DNAJB6: variants seen among roughly 807,000 people sequenced by gnomAD.
The protein encoded by DNAJB6 is DnaJ heat shock protein family (Hsp40) member B6.
In DNAJB6, 16 loss-of-function variants were observed where a neutral mutation model predicts 42.7. The observed-to-expected ratio is 0.37, with a 90% CI of 0.25 to 0.57. The LOEUF (loss-of-function observed/expected upper bound fraction) is 0.57, where lower values mean the gene tolerates loss of function less well. Ranked by LOEUF, DNAJB6 falls within the 20% of genes least tolerant of loss-of-function variation. The pLI, the probability that DNAJB6 is intolerant of heterozygous loss-of-function variation, is 0.74. For synonymous variants in DNAJB6, 170 were observed against 163.5 expected (o/e 1.04, Z -0.30); for missense variants, 347 against 416.8 (o/e 0.83, Z 1.46).
chr7:157,354,103 G>T (rs1388753365), intron 1 of DNAJB6, among the ~76,000 whole-genome samples: 12 of 152,148 alleles, frequency 7.9e-5, no homozygotes, highest in East Asian at 3.8e-4. Flanking sequence ...ACCACAGATT[G>T]TATCTGTTGT....
intron 8 of DNAJB6, among the ~76,000 whole-genome samples, chr7:157,394,847 A>G (rs1303763068): frequency 7.2e-5 from 11 of 152,226 alleles, no homozygotes; most frequent in Admixed American, 7.2e-4. Context: ...CTGTAATTCC[A>G]GCACTTTGGG....
chr7:157,398,490 G>C (rs1039782103), intron 8 of DNAJB6, among the ~76,000 whole-genome samples: 1 of 152,194 alleles, frequency 6.6e-6, no homozygotes, highest in East Asian at 1.9e-4. Flanking sequence ...TATCAGCCAG[G>C]CTCCTGCACT....
intron 3 of DNAJB6, 106 bp downstream of exon 3, chr7:157,363,376 T>A: frequency 1.5e-6 from 1 of 657,244 alleles, no homozygotes; most frequent in Non-Finnish European, 2.6e-6. Flanking sequence ...AAGTGACTTG[T>A]TTTTGATGCC....
At chr7:157,373,213 C>CT (rs965864941) in intron 5 of DNAJB6, among the ~76,000 whole-genome samples, 1 of 152,162 alleles carries the variant, frequency 6.6e-6, no homozygotes, top group Non-Finnish European at 1.5e-5. Flanking sequence ...CTAATTTAAT[C>CT]TTTTTTGGGG....
Position 157,384,462 on chromosome 7 carries a change from C to T in DNAJB6, c.479-405C>T, listed in dbSNP as rs538990526. Among the ~76,000 whole-genome samples the T allele has an allele frequency of 4.6e-5, 7 of 152,192 alleles. No individual in the cohort carries two copies. The South Asian group carries it at 1.0e-3, about 23-fold the overall frequency. The stretch of plus-strand genomic sequence containing the variant: ...CGCCAAAGCAAACAGAGCTTGATAC[C>T]GAGGCTGCTCTGCTGGTTGGAGCTT... On this transcript the variant is annotated intron_variant, in intron 6 of 9. Transcript: ENST00000262177.
chr7:157,390,116 G>A (rs891695879), intron 8 of DNAJB6, among the ~76,000 whole-genome samples: 2 of 152,190 alleles, frequency 1.3e-5, no homozygotes, highest in Admixed American at 6.5e-5. Flanking sequence ...TGCTGGCTGC[G>A]GAAACCCAGA....
chr7:157,368,931 C>G, intron 5 of DNAJB6: 1 of 230,026 alleles, frequency 4.3e-6, no homozygotes, highest in Non-Finnish European at 8.7e-6. Flanking sequence ...AGCATAATCA[C>G]TCTCATATCT....
At chr7:157,351,944 G>C (rs750341672) in intron 1 of DNAJB6, among the ~76,000 whole-genome samples, 10 of 152,158 alleles carry the variant, frequency 6.6e-5, no homozygotes, top group African/African-American at 1.9e-4. Context: ...TCAGTGAGTC[G>C]AGATTGTGCT....
intron 5 of DNAJB6, among the ~76,000 whole-genome samples, chr7:157,369,865 C>CATCATTATTAAACAGGCCCCTTCTCA (rs1563128417): frequency 1.8e-5 from 2 of 113,056 alleles, no homozygotes; most frequent in African/African-American, 8.9e-5. Flanking sequence ...GCCCCTTCTT[C>CATCATTATTAAACAGGCCCCTTCTCA]ACATTATTAT....
In DNAJB6 at chr7:157,395,672, G is replaced by A. The variant is rs1166593154; in HGVS notation, c.691+10061G>A. On this transcript the variant is annotated intron_variant, in intron 8 of 9. Coordinates refer to ENST00000262177, the MANE Select transcript of DNAJB6 (RefSeq NM_058246.4). Reference sequence around the variant, plus strand: ...GCAAAAGTTACAACATTCATTCTACGTTTTTTCTTTTCTTTTTTTTTTTTT... The same window carrying A: ...GCAAAAGTTACAACATTCATTCTACATTTTTTCTTTTCTTTTTTTTTTTTT... Among the ~76,000 whole-genome samples the A allele has an allele frequency of 2.7e-5, 4 of 148,930 alleles. No homozygotes were observed. In the East Asian group the frequency reaches 7.9e-4, roughly 29 times the overall value.
intron 5 of DNAJB6, among the ~76,000 whole-genome samples, chr7:157,377,765 A>C (rs1800545208): frequency 1.3e-5 from 2 of 152,206 alleles, no homozygotes; most frequent in African/African-American, 4.8e-5. Context: ...AACTCTGTGC[A>C]TGGCCCAGTT....
intron 4 of DNAJB6, 131 bp downstream of exon 4, chr7:157,366,692 A>G: frequency 3.8e-6 from 3 of 779,250 alleles, no homozygotes; most frequent in Non-Finnish European, 6.4e-6. Context: ...AGCGAACTAA[A>G]TTGGGGAGAG....
chr7:157,389,369 T>G (rs1801230511), intron 8 of DNAJB6, among the ~76,000 whole-genome samples: 1 of 152,234 alleles, frequency 6.6e-6, no homozygotes, highest in South Asian at 2.1e-4. Flanking sequence ...GTGTTGAAAT[T>G]TAGCCATTAG....
chr7:157,388,578 G>T (rs1001073763), intron 8 of DNAJB6, among the ~76,000 whole-genome samples: 4 of 149,778 alleles, frequency 2.7e-5, no homozygotes, highest in Non-Finnish European at 5.9e-5. Flanking sequence ...CCCTGTTTGA[G>T]ATTCTTTTTT....
At chr7:157,394,147 A>T (rs1801477757) in intron 8 of DNAJB6, among the ~76,000 whole-genome samples, 1 of 152,232 alleles carries the variant, frequency 6.6e-6, no homozygotes, top group Admixed American at 6.5e-5. Flanking sequence ...ATAAATAGGA[A>T]TGTTAAGAAT....
chr7:157,396,105 G>A (rs1389864682), intron 8 of DNAJB6, among the ~76,000 whole-genome samples: 4 of 151,644 alleles, frequency 2.6e-5, no homozygotes, highest in Non-Finnish European at 5.9e-5. Context: ...GTGCCACCAC[G>A]CCCAGCTAAT....
intron 8 of DNAJB6, among the ~76,000 whole-genome samples, chr7:157,392,974 A>G (rs1801418416): frequency 6.6e-6 from 1 of 151,876 alleles, no homozygotes; most frequent in South Asian, 2.1e-4. Flanking sequence ...TGATTTTATT[A>G]TATTTATTTT....
At chr7:157,345,978 C>T (rs1397960565) in intron 1 of DNAJB6, among the ~76,000 whole-genome samples, 2 of 151,964 alleles carry the variant, frequency 1.3e-5, no homozygotes, top group Non-Finnish European at 2.9e-5. Context: ...GGCTGGAGTC[C>T]AGGCTCTCGC....
intron 1 of DNAJB6, among the ~76,000 whole-genome samples, chr7:157,340,291 C>T (rs886398253): frequency 6.6e-6 from 1 of 152,258 alleles, no homozygotes; most frequent in African/African-American, 2.4e-5. Context: ...GTGCAGGACC[C>T]CACCTGGTGG....
Sources: allele counts gnomAD v4.1 joint callset (sites outside exome capture counted in the v4.1 genomes callset), GRCh38; gene constraint gnomAD v4.1.1; transcripts MANE v1.5; gene names NCBI Gene and HGNC (gene_info 2026-07-23, HGNC 2026-07-21).